Variants in PTDSS2 observed in about 807,000 individuals in gnomAD.
PTDSS2 encodes phosphatidylserine synthase 2, also known as PSS-2.
A neutral mutation model predicts 64.7 loss-of-function variants in PTDSS2; 41 were observed. The observed-to-expected ratio is 0.63, with a 90% CI of 0.49 to 0.82. The LOEUF is 0.82. Ranked by LOEUF, PTDSS2 falls within the 40% of genes least tolerant of loss-of-function variation. The probability of loss-of-function intolerance (pLI) is 0.00; values close to 1 mark genes in which losing one functional copy is unlikely to be tolerated. For missense variants in PTDSS2, 485 were observed against 650.0 expected, an observed-to-expected ratio of 0.75 and a Z score of 2.76; for synonymous variants, 297 against 277.8, an observed-to-expected ratio of 1.07 and a Z score of -0.69.
At chr11:490,322 C>T in intron 11 of PTDSS2, 98 bp from the exon 12 acceptor site, 1 of 1,538,008 alleles carries the variant, frequency 6.5e-7, no homozygotes, top group Non-Finnish European at 9.0e-7. Context: ...CCACCCAGTC[C>T]ATTCCGGACC....
intron 4 of PTDSS2, among the ~76,000 whole-genome samples, chr11:485,317 G>A (rs949291580): frequency 1.1e-4 from 16 of 141,966 alleles, no homozygotes; most frequent in Non-Finnish European, 2.3e-4. Context: ...GTGCGCAGGC[G>A]AGTGTAAGTG....
intron 11 of PTDSS2, 111 bp from the exon 12 acceptor site, chr11:490,309 C>A: frequency 6.8e-7 from 1 of 1,473,396 alleles, no homozygotes; most frequent in Non-Finnish European, 9.4e-7. Flanking sequence ...GGGTACCCGG[C>A]ACCCACCCAG....
rs1564995391 is a variant in PTDSS2 at position 487,405 on chromosome 11, C to CCTTGT, written c.571-14_571-13insTTGTC. The CCTTGT allele has an allele frequency of 6.8e-6, 11 of 1,613,392 alleles. No individual in the cohort carries two copies. The Admixed American group carries it at 1.7e-4, about 24-fold the overall frequency. ...CTGTGCCCCAGGGTCAAGGGTCATA[C>CCTTGT]CCTGTCGCCCACAGGACAAGTTGGA... On this transcript the variant is annotated splice_polypyrimidine_tract_variant and intron_variant, in intron 5 of 11. Coordinates refer to ENST00000308020, the MANE Select transcript of PTDSS2 (RefSeq NM_030783.3).
At chr11:477,117 G>A (rs969043711) in intron 3 of PTDSS2, among the ~76,000 whole-genome samples, 7 of 152,196 alleles carry the variant, frequency 4.6e-5, no homozygotes, top group African/African-American at 1.2e-4. Context: ...TGCCCAGTCC[G>A]GCAGCTGTAG....
At chr11:472,324 T>C (rs12799388) in intron 2 of PTDSS2, among the ~76,000 whole-genome samples, 56,803 of 152,116 alleles carry the variant, frequency 0.37, 11,368 homozygotes, top group African/African-American at 0.52. Flanking sequence ...AGGTACTTTT[T>C]ACACCTCCCA....
At chr11:478,921 G>T (rs1042345478) in intron 3 of PTDSS2, among the ~76,000 whole-genome samples, 164 bp from the exon 4 acceptor site, 31 of 152,214 alleles carry the variant, frequency 2.0e-4, no homozygotes, top group Non-Finnish European at 4.1e-4. Flanking sequence ...GAGAAATTGT[G>T]CCTAATTCTG....
At chr11:477,368 C>G (rs780021044) in intron 3 of PTDSS2, among the ~76,000 whole-genome samples, 2 of 152,186 alleles carry the variant, frequency 1.3e-5, no homozygotes, top group Non-Finnish European at 2.9e-5. Flanking sequence ...TGTCTTTCCC[C>G]TCTGGTGTGA....
chr11:488,737 GGCCCGTCCAGTGT>G (rs2133842885), intron 8 of PTDSS2, 90 bp downstream of exon 8: 2 of 934,660 alleles, frequency 2.1e-6, no homozygotes, highest in East Asian at 4.9e-5. Flanking sequence ...CCGAGCACCA[GGCCCGTCCAGTGT>G]GCGGCTCAGG....
chr11:450,586 G>A lies in PTDSS2; in HGVS notation c.131G>A (p.Arg44His). The A allele has an allele frequency of 8.0e-7, 1 of 1,243,600 alleles. No individual in the cohort carries two copies. Among genetic ancestry groups the A allele is most frequent in the Non-Finnish European group, 1.0e-6 (1 of 986,296 alleles). The allele number at this position is 1,243,600 out of a possible 1,614,324, so 77.0% of individuals were successfully genotyped here. ...CAAGCCACCGGGCCGGGCGAGGGCC[G>A]CCGCAGCACCGAGTCCGAGGTCTAC... Reference protein sequence around the residue: ...AGQATGPGEGRRSTESEVYDD... With the variant: ...AGQATGPGEGHRSTESEVYDD... The change falls in exon 1 of 12, where the codon CGC becomes CAC. Residue 44 changes from arginine (R) to histidine (H), a missense_variant. This residue lies in a region of PTDSS2 where 251 missense variants were observed against 348.0 expected (regional missense o/e 0.72). Transcript: ENST00000308020.
intron 5 of PTDSS2, 98 bp downstream of exon 5, chr11:487,171 C>A: frequency 8.5e-7 from 1 of 1,181,254 alleles, no homozygotes; most frequent in Non-Finnish European, 1.2e-6. Flanking sequence ...CCTCAGCCCA[C>A]ACTTGGGGTC....
rs1847799421 is a variant in PTDSS2 at position 476,244 on chromosome 11, C to T, written c.367+2267C>T. Among the ~76,000 whole-genome samples the T allele has an allele frequency of 6.6e-6, 1 of 152,200 alleles. No individual in the cohort carries two copies. Among genetic ancestry groups the T allele is most frequent in the African/African-American group, 2.4e-5 (1 of 41,456 alleles). On this transcript the variant is annotated intron_variant, in intron 3 of 11. Transcript: ENST00000308020. This position sits in a 1 kb window ranked among gnomAD's most constrained non-coding sequence, Gnocchi z 4.9. ...GGCTGAGCACAGACGGTCTTGCCTC[C>T]AAGGGGTTTGGATTCCTCAGCAGAG...
chr11:459,450 A>C (rs1327215235), intron 1 of PTDSS2: 1 of 153,144 alleles, frequency 6.5e-6, no homozygotes, highest in African/African-American at 2.4e-5. Context: ...CATCTCTCCG[A>C]GGACACACTC....
intron 3 of PTDSS2, 34 bp downstream of exon 3, chr11:474,011 T>A (rs756219439): frequency 2.0e-6 from 3 of 1,535,598 alleles, no homozygotes; most frequent in Admixed American, 3.3e-5. Context: ...TGTGCCCCTG[T>A]GGCATTTCTG....
Position 470,918 on chromosome 11 carries a change from T to C in PTDSS2, c.285-2977T>C, listed in dbSNP as rs1847397778. ...CGGCTTATTAATGGTGAGATGTTAA[T>C]GGGAAAACTGGGCCTGTGAGATATG... On this transcript the variant is annotated intron_variant, in intron 2 of 11. Transcript: ENST00000308020. The surrounding 1 kb of genome is among the most constrained non-coding windows in gnomAD (Gnocchi z 5.3). Among the ~76,000 whole-genome samples the C allele has an allele frequency of 6.6e-6, 1 of 152,158 alleles. No homozygotes were observed. The highest frequency in any genetic ancestry group is 1.5e-5 in the Non-Finnish European group (1 of 68,024).
At chr11:448,656 T>A (rs1846194362), upstream of PTDSS2, among the ~76,000 whole-genome samples, 1 of 152,228 alleles carries the variant, frequency 6.6e-6, no homozygotes, top group Non-Finnish European at 1.5e-5. Context: ...CCAGCCTGTG[T>A]GTCAGGAGCT....
chr11:460,461 T>C lies in PTDSS2; in HGVS notation c.284+173T>C. 8.6e-6 allele frequency: 5 copies of C among 582,282 alleles called. No homozygotes were observed. Among genetic ancestry groups the C allele is most frequent in the African/African-American group, 1.9e-5 (1 of 53,494 alleles). 36.1% of individuals were successfully genotyped at this position (582,282 alleles called of 1,614,324 possible). On this transcript the variant is annotated intron_variant, in intron 2 of 11. Transcript: ENST00000308020. The surrounding 1 kb of genome is among the most constrained non-coding windows in gnomAD (Gnocchi z 5.8). ...GATGTGCAGACTCCAGGGCTGCCCT[T>C]GGTGCTGCGTGGCGTTCCCGGTCAG... is the stretch of plus-strand genomic sequence containing the variant.
intron 4 of PTDSS2, among the ~76,000 whole-genome samples, chr11:481,985 G>A (rs1389466053): frequency 6.6e-6 from 1 of 151,344 alleles, no homozygotes; most frequent in Non-Finnish European, 1.5e-5. Context: ...TGGGATTACA[G>A]GCATGCACCA....
Position 487,446 on chromosome 11 carries a change from G to A in PTDSS2, c.597G>A (p.Ala199=), listed in dbSNP as rs755952782. ...IWDKLDGFVP[A]HFLGWYLKTL... Reference sequence around the variant, plus strand: ...ACAAGTTGGATGGCTTTGTTCCCGCGCACTTTCTTGGCTGGTACCTGAAGG... The same window carrying A: ...ACAAGTTGGATGGCTTTGTTCCCGCACACTTTCTTGGCTGGTACCTGAAGG... Residue 199 remains alanine, a synonymous_variant, in exon 6 of 12, where the codon GCG becomes GCA. Transcript: ENST00000308020. 14 of 1,613,826 alleles carry A rather than the reference G, an allele frequency of 8.7e-6. No homozygotes were observed. The highest frequency in any genetic ancestry group is 4.5e-5 in the East Asian group (2 of 44,898).
rs1293270435 is a variant in PTDSS2 at position 460,160 on chromosome 11, C to T, written c.183-27C>T. The T allele has an allele frequency of 3.8e-6, 6 of 1,586,534 alleles. No homozygotes were observed. The highest frequency in any genetic ancestry group is 5.2e-6 in the Non-Finnish European group (6 of 1,154,912). ...TAGCAATGCTGCCCAAGCTCTGACA[C>T]CATGCTTATGCGTTTTTGGATTTCA... On this transcript the variant is annotated intron_variant, in intron 1 of 11. Transcript: ENST00000308020. The surrounding 1 kb of genome is among the most constrained non-coding windows in gnomAD (Gnocchi z 5.8).
Sources: allele counts gnomAD v4.1 joint callset (sites outside exome capture counted in the v4.1 genomes callset), GRCh38; gene constraint gnomAD v4.1.1; regional missense constraint gnomAD v4.1.1; non-coding constraint Gnocchi (gnomAD v3.1); transcripts MANE v1.5; gene names NCBI Gene and HGNC (gene_info 2026-07-23, HGNC 2026-07-21).